The following FGF12 variants were observed in gnomAD, a reference collection of about 807,000 sequenced individuals.
FGF12 encodes fibroblast growth factor 12B.
A neutral mutation model predicts 23.6 loss-of-function variants in FGF12; 14 were observed. That is an observed-to-expected ratio of 0.59 (90% CI 0.39 to 0.93). The LOEUF is 0.93. FGF12 is among the 40% of genes least tolerant of loss of function. The pLI is 0.00. For missense variants in FGF12, 175 were observed against 217.8 expected, an observed-to-expected ratio of 0.80 and a Z score of 1.24; for synonymous variants, 62 against 77.3, an observed-to-expected ratio of 0.80 and a Z score of 1.04.
chr3:192,626,635 A>AT (rs1409173416), intron 2 of FGF12, among the ~76,000 whole-genome samples: 8 of 152,128 alleles, frequency 5.3e-5, no homozygotes, highest in Non-Finnish European at 5.9e-5. Context: ...TATTTAGAGA[A>AT]TGGGCCTTGC....
rs538913175 is a variant in FGF12, at chr3:192,415,744, A to T, written c.14-55206T>A. On this transcript the variant is annotated intron_variant, in intron 2 of 5. Coordinates refer to ENST00000445105, the MANE Select transcript of FGF12 (RefSeq NM_004113.6). ...TTCTCTCTCTCTCTCACACACACACACACACACACACACACACACACACAC... is the reference window on the plus strand; with the variant it reads ...TTCTCTCTCTCTCTCACACACACACTCACACACACACACACACACACACAC... Among the ~76,000 whole-genome samples, 71 of 150,884 alleles carry T rather than the reference A, an allele frequency of 4.7e-4. No individual in the cohort carries two copies. The East Asian group carries it at 7.2e-3, about 15-fold the overall frequency.
intron 5 of FGF12, among the ~76,000 whole-genome samples, chr3:192,147,073 G>T (rs367782016): frequency 5.3e-5 from 8 of 152,116 alleles, no homozygotes; most frequent in Admixed American, 4.6e-4. Flanking sequence ...AAATCAAATA[G>T]GTATTTGAAT....
At chr3:192,164,670 C>T (rs1411109351) in intron 5 of FGF12, among the ~76,000 whole-genome samples, 2 of 152,168 alleles carry the variant, frequency 1.3e-5, no homozygotes, top group African/African-American at 4.8e-5. Context: ...TTGGCTTTTC[C>T]TCCCTAAGAG....
At chr3:192,607,030 C>G (rs1053644694) in intron 2 of FGF12, among the ~76,000 whole-genome samples, 2 of 150,540 alleles carry the variant, frequency 1.3e-5, no homozygotes, top group Non-Finnish European at 2.9e-5. Context: ...CAGGTACACA[C>G]ACACGCAGGT....
intron 2 of FGF12, among the ~76,000 whole-genome samples, chr3:192,616,421 C>G (rs1714756583): frequency 6.6e-6 from 1 of 151,974 alleles, no homozygotes; most frequent in African/African-American, 2.4e-5. Context: ...CCTCAGCCAT[C>G]ACAACATTTC....
chr3:192,656,142 C>T (rs756808085), intron 2 of FGF12, among the ~76,000 whole-genome samples: 2 of 151,762 alleles, frequency 1.3e-5, no homozygotes, highest in African/African-American at 2.4e-5. Context: ...AATGTACAGC[C>T]ATCCAAAAAA....
intron 2 of FGF12, among the ~76,000 whole-genome samples, chr3:192,437,804 T>C (rs1055640942): frequency 2.6e-5 from 4 of 152,160 alleles, no homozygotes; most frequent in Admixed American, 1.3e-4. Flanking sequence ...TCTGGAAGCT[T>C]TATTGGAGAA....
chr3:192,533,163 T>A (rs1560142134), intron 2 of FGF12, among the ~76,000 whole-genome samples: 1 of 152,218 alleles, frequency 6.6e-6, no homozygotes, highest in Non-Finnish European at 1.5e-5. Context: ...AATGGTTCCT[T>A]ACAATCTATA....
chr3:192,473,140 T>C (rs6798882), intron 2 of FGF12, among the ~76,000 whole-genome samples: 7,702 of 152,286 alleles, frequency 0.051, 680 homozygotes, highest in African/African-American at 0.17. Flanking sequence ...TAGGTTGTGT[T>C]CAATTTATGG....
At chr3:192,228,155 G>A (rs755855334) in intron 4 of FGF12, among the ~76,000 whole-genome samples, 7 of 150,268 alleles carry the variant, frequency 4.7e-5, no homozygotes, top group Admixed American at 1.3e-4. Flanking sequence ...AAATGTTCTC[G>A]CCAAAAAAAA....
At chr3:192,632,592 G>GA (rs1360347073) in intron 2 of FGF12, among the ~76,000 whole-genome samples, 1 of 152,210 alleles carries the variant, frequency 6.6e-6, no homozygotes, top group East Asian at 1.9e-4. Flanking sequence ...CCCAACACTA[G>GA]AAAATGGAGT....
At chr3:192,145,712 C>A (rs1713657592) in intron 5 of FGF12, among the ~76,000 whole-genome samples, 1 of 152,162 alleles carries the variant, frequency 6.6e-6, no homozygotes, top group South Asian at 2.1e-4. Context: ...CCAACATCCC[C>A]AAAGGACTAA....
chr3:192,310,889 T>C (rs1715896715), intron 4 of FGF12, among the ~76,000 whole-genome samples: 1 of 152,168 alleles, frequency 6.6e-6, no homozygotes, highest in Non-Finnish European at 1.5e-5. Context: ...AACGAAAACA[T>C]GGATTCCACT....
At chr3:192,339,849 T>C (rs1489103336) in intron 3 of FGF12, among the ~76,000 whole-genome samples, 1 of 152,204 alleles carries the variant, frequency 6.6e-6, no homozygotes, top group Non-Finnish European at 1.5e-5. Flanking sequence ...GTTGCTGTAA[T>C]GTCTAGCCCA....
At chr3:192,477,541 C>T (rs1723361830) in intron 2 of FGF12, among the ~76,000 whole-genome samples, 1 of 152,102 alleles carries the variant, frequency 6.6e-6, no homozygotes, top group Admixed American at 6.6e-5. Context: ...ACTTTATTCC[C>T]AATGATTGTA....
intron 4 of FGF12, among the ~76,000 whole-genome samples, chr3:192,180,182 T>C (rs1716094049): frequency 6.6e-6 from 1 of 152,192 alleles, no homozygotes; most frequent in South Asian, 2.1e-4. Flanking sequence ...GATGTGGTAA[T>C]TTCAGGTTCT....
At chr3:192,569,760 A>T (rs1051346937) in intron 2 of FGF12, among the ~76,000 whole-genome samples, 4 of 152,240 alleles carry the variant, frequency 2.6e-5, no homozygotes, top group African/African-American at 9.7e-5. Flanking sequence ...CAGATCTTAC[A>T]CTTTCTTTAT....
chr3:192,307,935 G>A (rs777546711), intron 4 of FGF12, among the ~76,000 whole-genome samples: 23 of 152,018 alleles, frequency 1.5e-4, no homozygotes, highest in Non-Finnish European at 2.1e-4. Context: ...TAGATAGTAG[G>A]GACTTCATTT....
intron 4 of FGF12, among the ~76,000 whole-genome samples, chr3:192,188,244 G>A (rs1031554169): frequency 6.6e-6 from 1 of 152,168 alleles, no homozygotes; most frequent in Non-Finnish European, 1.5e-5. Context: ...CTAAGCATAG[G>A]ACCTCCATAC....
Sources: allele counts gnomAD v4.1 joint callset (sites outside exome capture counted in the v4.1 genomes callset), GRCh38; gene constraint gnomAD v4.1.1; transcripts MANE v1.5; gene names NCBI Gene and HGNC (gene_info 2026-07-23, HGNC 2026-07-21).